CSMD1: variants seen among roughly 807,000 people sequenced by gnomAD.
CSMD1 encodes CUB and Sushi multiple domains 1, also known as CUB and sushi domain-containing protein 1.
CSMD1 carries 213 observed loss-of-function variants against 417.5 expected under a neutral mutation model. The ratio of observed to expected loss-of-function variants is 0.51; its 90% CI spans 0.46 to 0.57. The LOEUF is 0.57. Ranked by LOEUF, CSMD1 falls within the 20% of genes least tolerant of loss-of-function variation. The pLI is 0.00. For synonymous variants in CSMD1, 2,862 were observed against 1,736.8 expected, an observed-to-expected ratio of 1.65 and a Z score of -16.11; for missense variants, 6,923 against 4,529.7, an observed-to-expected ratio of 1.53 and a Z score of -15.17.
Position 4,413,780 on chromosome 8 carries a change from CG to C in CSMD1, c.415+6172del, listed in dbSNP as rs146235464. ...CAAATGGAGGACAAACGAGAGATTT[CG>C]GTAGCTTCTGGCAACTAAGCCTAGA... On this transcript the variant is annotated intron_variant, in intron 3 of 69. Transcript: ENST00000635120. Among the ~76,000 whole-genome samples, 840 of 152,118 alleles carry C rather than the reference CG, an allele frequency of 5.5e-3. 30 individuals are homozygous for C. The East Asian group carries it at 0.087, about 16-fold the overall frequency.
intron 9 of CSMD1, among the ~76,000 whole-genome samples, chr8:3,578,902 C>G (rs941538334): frequency 6.6e-6 from 1 of 152,204 alleles, no homozygotes; most frequent in Admixed American, 6.5e-5. Context: ...AAAACAAGAT[C>G]TCTCTCCGTA....
intron 23 of CSMD1, among the ~76,000 whole-genome samples, chr8:3,331,713 C>T (rs1563280392): frequency 6.6e-6 from 1 of 152,200 alleles, no homozygotes. Context: ...GGCGGTTTCT[C>T]TTGCGTATGT....
intron 1 of CSMD1, among the ~76,000 whole-genome samples, chr8:4,920,978 GAAACAAAGAAAGAA>G (rs1806441098): frequency 8.5e-5 from 2 of 23,642 alleles, no homozygotes; most frequent in Non-Finnish European, 1.8e-4. Context: ...AAGAAAGAAA[GAAACAAAGAAAGAA>G]AGAAAAGAAA....
intron 1 of CSMD1, among the ~76,000 whole-genome samples, chr8:4,733,605 G>C (rs559666288): frequency 1.4e-3 from 219 of 152,230 alleles, no homozygotes; most frequent in African/African-American, 5.0e-3. Context: ...TTTCAACAAA[G>C]GCCTGGAAAG....
chr8:4,192,047 T>G (rs1799063120), intron 3 of CSMD1, among the ~76,000 whole-genome samples: 1 of 152,154 alleles, frequency 6.6e-6, no homozygotes, highest in Non-Finnish European at 1.5e-5. Context: ...AACAAAAGTA[T>G]TTGTGTTTTC....
chr8:3,542,967 G>T (rs948722438), intron 10 of CSMD1, among the ~76,000 whole-genome samples: 2 of 152,116 alleles, frequency 1.3e-5, no homozygotes, highest in South Asian at 2.1e-4. Flanking sequence ...TGAATATGGG[G>T]CTCCTCTTCC....
rs192421491 is a variant in CSMD1, at chr8:4,396,923, G to A, written c.415+23030C>T. Among the ~76,000 whole-genome samples the A allele has an allele frequency of 9.1e-4, 139 of 152,008 alleles. 1 individual carries two copies. In the Middle Eastern group the frequency reaches 0.02, roughly 22 times the overall value. The stretch of plus-strand genomic sequence containing the variant: ...TGGGAAACAAAAGACTACACCTTGG[G>A]TACAAGGTACACTGCCTGGGTGATG... On this transcript the variant is annotated intron_variant, in intron 3 of 69. Transcript: ENST00000635120.
At chr8:3,850,613 T>C (rs1395741117) in intron 5 of CSMD1, among the ~76,000 whole-genome samples, 1 of 152,224 alleles carries the variant, frequency 6.6e-6, no homozygotes, top group South Asian at 2.1e-4. Context: ...GAGAATAACT[T>C]GAACCTGGGG....
At chr8:3,244,396 A>C (rs150347740) in intron 26 of CSMD1, among the ~76,000 whole-genome samples, 4 of 152,190 alleles carry the variant, frequency 2.6e-5, no homozygotes, top group Middle Eastern at 6.8e-3. Context: ...TACCCTGGAG[A>C]GCAATCTGCT....
chr8:3,311,345 G>A (rs1267001775), intron 23 of CSMD1, among the ~76,000 whole-genome samples: 2 of 152,098 alleles, frequency 1.3e-5, no homozygotes, highest in Non-Finnish European at 2.9e-5. Flanking sequence ...CATCTCCTGG[G>A]TTCCAGTGAT....
At chr8:4,023,198 C>A (rs1216551426) in intron 4 of CSMD1, among the ~76,000 whole-genome samples, 1 of 152,200 alleles carries the variant, frequency 6.6e-6, no homozygotes, top group Non-Finnish European at 1.5e-5. Flanking sequence ...TTGCAGGCTA[C>A]AGACCTTCAG....
chr8:3,684,503 T>A (rs929045102), intron 7 of CSMD1, among the ~76,000 whole-genome samples: 1 of 151,318 alleles, frequency 6.6e-6, no homozygotes, highest in African/African-American at 2.4e-5. Flanking sequence ...ATTATGAACA[T>A]ATATTTTATC....
At chr8:4,490,464 GATTA>G (rs1563227915) in intron 2 of CSMD1, among the ~76,000 whole-genome samples, 2 of 152,156 alleles carry the variant, frequency 1.3e-5, no homozygotes, top group Non-Finnish European at 2.9e-5. Context: ...AATGACAACT[GATTA>G]ATTACTTTAA....
At chr8:3,635,560 T>G (rs542941217) in intron 7 of CSMD1, among the ~76,000 whole-genome samples, 1 of 148,340 alleles carries the variant, frequency 6.7e-6, no homozygotes, top group African/African-American at 2.5e-5. Context: ...CTCAGCTCAC[T>G]GCAAGCTACA....
intron 2 of CSMD1, among the ~76,000 whole-genome samples, chr8:4,421,608 C>G (rs945182299): frequency 5.9e-5 from 9 of 151,806 alleles, no homozygotes; most frequent in South Asian, 4.2e-4. Flanking sequence ...GAGAAAGTCT[C>G]AAGGAAAATA....
chr8:3,968,946 C>T (rs1380953251), intron 5 of CSMD1, among the ~76,000 whole-genome samples: 1 of 152,146 alleles, frequency 6.6e-6, no homozygotes, highest in East Asian at 1.9e-4. Context: ...ACCGACTACT[C>T]TTCTTTACTA....
At chr8:4,324,020 A>G (rs991324673) in intron 3 of CSMD1, among the ~76,000 whole-genome samples, 1 of 152,102 alleles carries the variant, frequency 6.6e-6, no homozygotes, top group Non-Finnish European at 1.5e-5. Flanking sequence ...GCACAGCCAC[A>G]CCCTTAGCAG....
chr8:3,961,747 C>T (rs1473242538), intron 5 of CSMD1, among the ~76,000 whole-genome samples: 4 of 152,124 alleles, frequency 2.6e-5, no homozygotes, highest in Non-Finnish European at 5.9e-5. Context: ...TAGTAAAGCC[C>T]GGTCTTTCAT....
chr8:3,223,118 A>C (rs1248172185), intron 28 of CSMD1, among the ~76,000 whole-genome samples: 1 of 152,236 alleles, frequency 6.6e-6, no homozygotes, highest in Admixed American at 6.5e-5. Context: ...TGTAATTATC[A>C]TATACCATAT....
Sources: gnomAD v4.1 joint callset for allele counts (sites outside exome capture counted in the v4.1 genomes callset) on GRCh38, gnomAD v4.1.1 for gene constraint, MANE v1.5 for transcripts, NCBI Gene and HGNC (gene_info 2026-07-23, HGNC 2026-07-21) for gene names.